ATG7: variants seen among roughly 807,000 people sequenced by gnomAD.
ATG7 encodes the protein autophagy related 7, also known as ubiquitin-like modifier-activating enzyme ATG7.
In ATG7, 70 loss-of-function variants were observed where a neutral mutation model predicts 82.4. That is an observed-to-expected ratio of 0.85 (90% CI 0.70 to 1.04). The LOEUF is 1.04. ATG7 is among the 50% of genes least tolerant of loss of function. The pLI, the probability that ATG7 is intolerant of heterozygous loss-of-function variation, is 0.00. For missense variants in ATG7, 792 were observed against 864.3 expected (o/e 0.92, Z 1.05); for synonymous variants, 287 against 313.0 (o/e 0.92, Z 0.88).
chr3:11,406,759 A>G (rs919208095), intron 19 of ATG7, among the ~76,000 whole-genome samples: 1 of 152,152 alleles, frequency 6.6e-6, no homozygotes, highest in African/African-American at 2.4e-5. Context: ...AGAAACTCCC[A>G]TTCTTAAAAC....
chr3:11,398,180 C>A (rs2079488019), intron 19 of ATG7, among the ~76,000 whole-genome samples: 1 of 151,694 alleles, frequency 6.6e-6, no homozygotes, highest in Non-Finnish European at 1.5e-5. Flanking sequence ...ACTTGGTTAA[C>A]ATGATTAATA....
At chr3:11,360,810 A>G (rs2076235672) in intron 16 of ATG7, 26 bp downstream of exon 16, 1 of 1,611,976 alleles carries the variant, frequency 6.2e-7, no homozygotes, top group Non-Finnish European at 8.5e-7. Context: ...TATAGTTCCA[A>G]ATATTTCCTA....
chr3:11,321,225 G>A (rs1354551088), intron 9 of ATG7, among the ~76,000 whole-genome samples: 1 of 152,222 alleles, frequency 6.6e-6, no homozygotes, highest in African/African-American at 2.4e-5. Flanking sequence ...CCTGCCTAGT[G>A]GGGAGCCTAT....
At chr3:11,492,597 A>G (rs950484816) in intron 20 of ATG7, among the ~76,000 whole-genome samples, 6 of 152,020 alleles carry the variant, frequency 3.9e-5, no homozygotes, top group Admixed American at 6.6e-5. Flanking sequence ...ACGTGAATGA[A>G]TAAGTTCAGG....
In ATG7 at chr3:11,542,557, G is replaced by A. The variant is rs1300282627; in HGVS notation, c.2080-12254G>A. Among the ~76,000 whole-genome samples, 14 of 152,302 alleles carry A rather than the reference G, an allele frequency of 9.2e-5. No homozygotes were observed. The East Asian group carries it at 9.7e-4, about 11-fold the overall frequency. Reference sequence around the variant, plus strand: ...TGGGCCATGGCCCTTCCTGTGGCCCGTGTACCTCTCACCTGGGTCCCTGGA... The same window carrying A: ...TGGGCCATGGCCCTTCCTGTGGCCCATGTACCTCTCACCTGGGTCCCTGGA... On this transcript the variant is annotated intron_variant, in intron 20 of 20. Coordinates refer to ENST00000693202, the MANE Select transcript of ATG7 (RefSeq NM_001349232.2).
intron 19 of ATG7, among the ~76,000 whole-genome samples, chr3:11,380,418 C>T (rs770177545): frequency 6.6e-6 from 1 of 152,134 alleles, no homozygotes; most frequent in African/African-American, 2.4e-5. Context: ...GAGGGTGAGG[C>T]GGCCCTGGCT....
At chr3:11,424,101 G>A (rs1341459717) in intron 19 of ATG7, among the ~76,000 whole-genome samples, 1 of 151,884 alleles carries the variant, frequency 6.6e-6, no homozygotes, top group African/African-American at 2.4e-5. Context: ...GCCTCCCGTC[G>A]CCTGGTCCTT....
intron 20 of ATG7, among the ~76,000 whole-genome samples, chr3:11,552,074 A>G (rs1170873728): frequency 2.0e-5 from 3 of 152,216 alleles, no homozygotes; most frequent in African/African-American, 7.2e-5. Context: ...TGAACTAAAC[A>G]TTGTTTGCAC....
intron 20 of ATG7, among the ~76,000 whole-genome samples, chr3:11,452,384 CAAAAAAAAAAAAA>C (rs34530409): frequency 3.4e-5 from 2 of 58,422 alleles, no homozygotes; most frequent in Admixed American, 6.0e-4. Flanking sequence ...GAACCTGTCT[CAAAAAAAAAAAAA>C]AAAAAAAAAA....
At chr3:11,561,068 A>AGT (rs148231831), downstream of ATG7, among the ~76,000 whole-genome samples, 8,628 of 152,118 alleles carry the variant, frequency 0.057, 790 homozygotes, top group African/African-American at 0.19. Flanking sequence ...TCCAGCTCTC[A>AGT]GAGATGGCCA....
At chr3:11,464,130 G>C (rs1173163611) in intron 20 of ATG7, among the ~76,000 whole-genome samples, 2 of 152,226 alleles carry the variant, frequency 1.3e-5, no homozygotes, top group Non-Finnish European at 2.9e-5. Flanking sequence ...CCAGCACTTT[G>C]GGAGGCCAAG....
At chr3:11,530,507 A>C (rs2092674493) in intron 20 of ATG7, among the ~76,000 whole-genome samples, 4 of 152,192 alleles carry the variant, frequency 2.6e-5, no homozygotes. Context: ...AAGAAATGCA[A>C]AGATAAATAC....
chr3:11,293,504 C>G (rs1474514726), intron 3 of ATG7, among the ~76,000 whole-genome samples: 1 of 140,434 alleles, frequency 7.1e-6, no homozygotes, highest in Non-Finnish European at 1.5e-5. Context: ...ACACTCCAGC[C>G]TGGATGACAG....
intron 1 of ATG7, among the ~76,000 whole-genome samples, 182 bp from the exon 2 acceptor site, chr3:11,280,812 A>G (rs954660707): frequency 2.0e-5 from 3 of 152,242 alleles, no homozygotes; most frequent in Non-Finnish European, 4.4e-5. Flanking sequence ...CACATGAAAT[A>G]CTTAGTAAAT....
chr3:11,431,168 G>A (rs1291294709), intron 20 of ATG7, among the ~76,000 whole-genome samples: 5 of 152,218 alleles, frequency 3.3e-5, no homozygotes, highest in African/African-American at 4.8e-5. Context: ...TTGGGAGGCC[G>A]AGGTGGGTGG....
intron 18 of ATG7, among the ~76,000 whole-genome samples, chr3:11,377,475 C>T (rs976070465): frequency 1.3e-5 from 2 of 152,276 alleles, no homozygotes; most frequent in Admixed American, 1.3e-4. Flanking sequence ...TCTATTTCCT[C>T]TCTCCCTTTC....
chr3:11,290,075 G>T (rs571385551), intron 3 of ATG7, among the ~76,000 whole-genome samples: 1 of 152,268 alleles, frequency 6.6e-6, no homozygotes, highest in South Asian at 2.1e-4. Flanking sequence ...GGAAATAGAT[G>T]CCTGATTCAC....
chr3:11,355,301 G>A (rs779320311), intron 14 of ATG7, among the ~76,000 whole-genome samples: 4 of 152,164 alleles, frequency 2.6e-5, no homozygotes, highest in South Asian at 2.1e-4. Context: ...ATAAAGTTTC[G>A]AGGGGAAAGC....
chr3:11,447,067 C>G (rs752096466), intron 20 of ATG7: 5 of 152,268 alleles, frequency 3.3e-5, no homozygotes, highest in African/African-American at 1.2e-4. Context: ...CATTTACTCA[C>G]TTGATCATCA....
Sources: allele counts gnomAD v4.1 joint callset (sites outside exome capture counted in the v4.1 genomes callset), GRCh38; gene constraint gnomAD v4.1.1; transcripts MANE v1.5; gene names NCBI Gene and HGNC (gene_info 2026-07-23, HGNC 2026-07-21).